The following ANK2 variants were observed in gnomAD, a reference collection of about 807,000 sequenced individuals.
The protein encoded by ANK2 is ankyrin 2.
Under a neutral mutation model 360.5 loss-of-function variants are expected in ANK2, and 83 were observed. The observed-to-expected ratio is 0.23, with a 90% CI of 0.19 to 0.28. The LOEUF (loss-of-function observed/expected upper bound fraction) is 0.28, where lower values mean the gene tolerates loss of function less well. Ranked by LOEUF, ANK2 falls within the 10% of genes least tolerant of loss-of-function variation. ANK2 has a pLI of 1.00. For synonymous variants in ANK2, 1,740 were observed against 1,759.5 expected (o/e 0.99, Z 0.28); for missense variants, 4,201 against 4,795.7 (o/e 0.88, Z 3.66).
At chr4:113,225,670 T>C (rs1230126501) in intron 4 of ANK2, among the ~76,000 whole-genome samples, 1 of 152,214 alleles carries the variant, frequency 6.6e-6, no homozygotes, top group Admixed American at 6.5e-5. Flanking sequence ...TATTTTTCTC[T>C]GTATAATTTC....
At position 113,365,128 on chromosome 4, in the gene ANK2, A is replaced by C; in HGVS notation, c.10978A>C (p.Ile3660Leu). ...ETNTEPLQER[I>L]SHSYAEIEQT... ...CAACACAGAACCTCTCCAGGAGCGC[A>C]TCAGTCATAGTTATGCAGAAATTGA... is the stretch of plus-strand genomic sequence containing the variant. The change falls in exon 41 of 46, where the codon ATC becomes CTC. Residue 3660 changes from isoleucine (I) to leucine (L), a missense_variant. Physicochemically the swap from Ile to Leu is conservative, Grantham distance 5. Coordinates refer to ENST00000357077, the MANE Select transcript of ANK2 (RefSeq NM_001148.6). 6.2e-7 allele frequency: 1 copy of C among 1,614,010 alleles called. No individual in the cohort carries two copies. Among genetic ancestry groups the C allele is most frequent in the Non-Finnish European group, 8.5e-7 (1 of 1,179,940 alleles).
At chr4:113,283,584 T>C (rs573932115) in intron 18 of ANK2, among the ~76,000 whole-genome samples, 1 of 152,252 alleles carries the variant, frequency 6.6e-6, no homozygotes, top group South Asian at 2.1e-4. Flanking sequence ...AATATAAAAA[T>C]ATATATTTTT....
At chr4:113,067,934 T>C (rs967256491) in intron 1 of ANK2, among the ~76,000 whole-genome samples, 1 of 152,204 alleles carries the variant, frequency 6.6e-6, no homozygotes, top group Non-Finnish European at 1.5e-5. Flanking sequence ...TTACTCTTGC[T>C]AATACTGATC....
At chr4:112,885,490 C>G (rs1454808914) in intron 1 of ANK2, among the ~76,000 whole-genome samples, 1 of 123,884 alleles carries the variant, frequency 8.1e-6, no homozygotes, top group Non-Finnish European at 1.6e-5. Context: ...CAGGGCAAGA[C>G]TCCATCAAAA....
At chr4:112,957,871 TCTC>T (rs2031299392) in intron 2 of ANK2, among the ~76,000 whole-genome samples, 1 of 144,390 alleles carries the variant, frequency 6.9e-6, no homozygotes, top group South Asian at 2.3e-4. Flanking sequence ...TCTCCTCACT[TCTC>T]AGACGGGGCA....
chr4:112,800,495 A>G, the ANK2 span, among the ~76,000 whole-genome samples: 23 of 152,162 alleles, frequency 1.5e-4, no homozygotes, highest in African/African-American at 5.6e-4. Context: ...ATAAGTCCTA[A>G]TAGCTGTAAG....
At chr4:113,106,591 G>A (rs2093654519) in intron 1 of ANK2, among the ~76,000 whole-genome samples, 1 of 152,150 alleles carries the variant, frequency 6.6e-6, no homozygotes, top group Non-Finnish European at 1.5e-5. Context: ...TATATAAGCA[G>A]AATGATGCCC....
In ANK2 at chr4:113,354,387, A is replaced by G. The variant is rs112927428; in HGVS notation, c.5769A>G (p.Glu1923=). Reference sequence around the variant, plus strand: ...CTGTATCGCCCTCCGGGAGGACAGAAAAACACCCGCCAGTATCGCCTGGGA... The same window carrying G: ...CTGTATCGCCCTCCGGGAGGACAGAGAAACACCCGCCAGTATCGCCTGGGA... ...RPPVSPSGRT[E]KHPPVSPGRT... is the part of the protein sequence containing the mutation. Residue 1923 remains glutamate, a synonymous_variant, in exon 38 of 46, where the codon GAA becomes GAG. Coordinates refer to ENST00000357077, the MANE Select transcript of ANK2 (RefSeq NM_001148.6). 3.7e-6 allele frequency: 6 copies of G among 1,614,064 alleles called. No individual in the cohort carries two copies. The African/African-American group carries it at 6.7e-5, about 18-fold the overall frequency.
At chr4:112,833,919 C>A (rs1442207891) in intron 1 of ANK2, among the ~76,000 whole-genome samples, 1 of 152,234 alleles carries the variant, frequency 6.6e-6, no homozygotes, top group Non-Finnish European at 1.5e-5. Context: ...GAGACAACTG[C>A]TGTTTTTAAT....
intron 2 of ANK2, among the ~76,000 whole-genome samples, chr4:112,938,226 C>T (rs550685782): frequency 1.6e-4 from 25 of 152,162 alleles, no homozygotes; most frequent in South Asian, 1.2e-3. Context: ...GTTTTTCTAA[C>T]GAGAAACTGA....
At chr4:112,780,463 C>T in the ANK2 span, among the ~76,000 whole-genome samples, 1 of 152,046 alleles carries the variant, frequency 6.6e-6, no homozygotes, top group Non-Finnish European at 1.5e-5. Context: ...ATGAAAGAAA[C>T]AAGTGAATTC....
chr4:112,855,202 G>A (rs895353183), intron 1 of ANK2, among the ~76,000 whole-genome samples: 2 of 152,138 alleles, frequency 1.3e-5, no homozygotes, highest in African/African-American at 4.8e-5. Context: ...ATTCCTGGTG[G>A]GTGGCACTGC....
At chr4:113,156,576 T>A (rs2097306914) in intron 1 of ANK2, among the ~76,000 whole-genome samples, 1 of 151,834 alleles carries the variant, frequency 6.6e-6, no homozygotes. Context: ...TTCACCATGT[T>A]GCCCTAGAAC....
chr4:112,958,087 C>T (rs1358465860), intron 2 of ANK2, among the ~76,000 whole-genome samples: 1 of 150,640 alleles, frequency 6.6e-6, no homozygotes, highest in Admixed American at 6.6e-5. Context: ...GGCGGCCGGG[C>T]AGAGACGCTC....
At chr4:113,072,372 T>C (rs1374031522) in intron 1 of ANK2, among the ~76,000 whole-genome samples, 2 of 151,940 alleles carry the variant, frequency 1.3e-5, no homozygotes, top group African/African-American at 4.8e-5. Flanking sequence ...ACATAAGGAG[T>C]CACTTAAGCA....
intron 7 of ANK2, among the ~76,000 whole-genome samples, chr4:113,239,865 A>G (rs1026436269): frequency 6.6e-6 from 1 of 152,138 alleles, no homozygotes; most frequent in African/African-American, 2.4e-5. Flanking sequence ...GATGCCACGT[A>G]TATTGTTTAA....
intron 2 of ANK2, among the ~76,000 whole-genome samples, chr4:113,023,814 A>G (rs2058679595): frequency 6.6e-6 from 1 of 152,220 alleles, no homozygotes; most frequent in African/African-American, 2.4e-5. Flanking sequence ...ATTGAGAGAT[A>G]ATCAATGAAT....
At chr4:113,103,286 C>T (rs1386277547) in intron 1 of ANK2, among the ~76,000 whole-genome samples, 1 of 152,018 alleles carries the variant, frequency 6.6e-6, no homozygotes. Context: ...AACGTTTCAT[C>T]CTCTTTCACT....
the ANK2 span, among the ~76,000 whole-genome samples, chr4:112,783,238 GT>G: frequency 6.6e-6 from 1 of 152,216 alleles, no homozygotes; most frequent in Admixed American, 6.5e-5. Flanking sequence ...CACAGGGTTA[GT>G]TTGTGGAGCC....
Sources: allele counts gnomAD v4.1 joint callset (sites outside exome capture counted in the v4.1 genomes callset), GRCh38; gene constraint gnomAD v4.1.1; transcripts MANE v1.5; gene names NCBI Gene and HGNC (gene_info 2026-07-23, HGNC 2026-07-21).